Variants in RBMS3 observed in about 807,000 individuals in gnomAD.
RBMS3 encodes the protein RNA binding motif single stranded interacting protein 3, also known as RNA-binding motif, single-stranded-interacting protein 3.
A neutral mutation model predicts 66.8 loss-of-function variants in RBMS3; 27 were observed. The ratio of observed to expected loss-of-function variants is 0.40; its 90% confidence interval spans 0.30 to 0.56. RBMS3 has a LOEUF of 0.56. Ranked by LOEUF, RBMS3 falls within the 20% of genes least tolerant of loss-of-function variation. RBMS3 has a pLI of 0.40. For missense variants in RBMS3, 513 were observed against 549.5 expected (o/e 0.93, Z 0.66); for synonymous variants, 188 against 183.0 (o/e 1.03, Z -0.22).
At chr3:29,496,398 A>G (rs1238949394) in intron 3 of RBMS3, among the ~76,000 whole-genome samples, 1 of 152,088 alleles carries the variant, frequency 6.6e-6, no homozygotes, top group East Asian at 1.9e-4. Context: ...TGATTTTGAT[A>G]TTGGCTTTTG....
intron 8 of RBMS3, among the ~76,000 whole-genome samples, chr3:29,896,734 T>A (rs2060131422): frequency 6.6e-6 from 1 of 151,564 alleles, no homozygotes; most frequent in Non-Finnish European, 1.5e-5. Context: ...CTTGTAGCAT[T>A]CTACAGTTGT....
chr3:29,282,358 T>C (rs892154214), intron 1 of RBMS3, among the ~76,000 whole-genome samples: 2 of 152,210 alleles, frequency 1.3e-5, no homozygotes, highest in Non-Finnish European at 2.9e-5. Flanking sequence ...TTACAATAGA[T>C]GTTCTTTACT....
intron 1 of RBMS3, among the ~76,000 whole-genome samples, chr3:29,369,534 T>C (rs78676979): frequency 9.9e-6 from 1 of 100,780 alleles, no homozygotes; most frequent in African/African-American, 4.0e-5. Context: ...ACACACACAC[T>C]TTGAGTGAGG....
At chr3:29,779,914 G>A (rs1290183834) in intron 6 of RBMS3, among the ~76,000 whole-genome samples, 1 of 149,812 alleles carries the variant, frequency 6.7e-6, no homozygotes, top group African/African-American at 2.4e-5. Flanking sequence ...GGTAGACATA[G>A]AAATACATTT....
intron 1 of RBMS3, among the ~76,000 whole-genome samples, chr3:29,394,440 G>A (rs1338459884): frequency 6.6e-6 from 1 of 152,218 alleles, no homozygotes; most frequent in East Asian, 1.9e-4. Context: ...GGGTCCTGAG[G>A]AGACATACAT....
At chr3:29,559,951 G>T (rs2046492107) in intron 3 of RBMS3, among the ~76,000 whole-genome samples, 1 of 152,112 alleles carries the variant, frequency 6.6e-6, no homozygotes. Context: ...ACATACAAAA[G>T]CATCTTATTT....
At chr3:29,663,073 TTGG>T (rs1233375395) in intron 4 of RBMS3, among the ~76,000 whole-genome samples, 10 of 152,188 alleles carry the variant, frequency 6.6e-5, no homozygotes, top group African/African-American at 1.4e-4. Context: ...GTTTGTTTGG[TTGG>T]TTGGTTGGTT....
intron 4 of RBMS3, among the ~76,000 whole-genome samples, chr3:29,723,890 T>G (rs565015259): frequency 3.3e-5 from 5 of 152,282 alleles, no homozygotes; most frequent in Non-Finnish European, 7.4e-5. Flanking sequence ...CGGTATCTTC[T>G]GAATAATAGC....
At chr3:29,597,170 T>A (rs2047972791) in intron 4 of RBMS3, among the ~76,000 whole-genome samples, 1 of 152,190 alleles carries the variant, frequency 6.6e-6, no homozygotes, top group Non-Finnish European at 1.5e-5. Flanking sequence ...TATGCACACA[T>A]ATACATTCCC....
chr3:29,403,419 C>G (rs1030315011), intron 1 of RBMS3, among the ~76,000 whole-genome samples: 1 of 152,036 alleles, frequency 6.6e-6, no homozygotes, highest in African/African-American at 2.4e-5. Flanking sequence ...AGTGTACAAA[C>G]CAGATTTGGC....
chr3:29,406,829 C>T (rs1021710831), intron 1 of RBMS3, among the ~76,000 whole-genome samples: 1 of 152,000 alleles, frequency 6.6e-6, no homozygotes, highest in East Asian at 1.9e-4. Context: ...TATTTTACTC[C>T]TTTGAAATTG....
At chr3:29,335,455 C>G (rs932021770) in intron 1 of RBMS3, among the ~76,000 whole-genome samples, 2 of 152,122 alleles carry the variant, frequency 1.3e-5, no homozygotes, top group African/African-American at 4.8e-5. Context: ...GGCAGATATG[C>G]TCAAAGAACT....
At position 29,701,585 on chromosome 3, in the gene RBMS3, G is replaced by A. The variant is rs138928090; in HGVS notation, c.400-38135G>A. ...TGTAAGGAGGTGTGGAGGGAGAGGC[G>A]CAGGTGGGAACTGGGGCTGCGCGCG... On this transcript the variant is annotated intron_variant, in intron 4 of 14. Transcript: ENST00000383767. 2.2e-4 allele frequency among the ~76,000 whole-genome samples: 33 copies of A among 152,196 alleles called. No homozygotes were observed. The East Asian group carries it at 5.1e-3, about 23-fold the overall frequency.
chr3:29,623,009 A>G (rs1422461010), intron 4 of RBMS3, among the ~76,000 whole-genome samples: 1 of 149,716 alleles, frequency 6.7e-6, no homozygotes, highest in South Asian at 2.2e-4. Context: ...CCCAGCTACT[A>G]GGGAGGCTGA....
intron 2 of RBMS3, among the ~76,000 whole-genome samples, chr3:29,441,478 C>T (rs904647525): frequency 6.6e-6 from 1 of 152,054 alleles, no homozygotes; most frequent in African/African-American, 2.4e-5. Context: ...GGGAATAATA[C>T]TTTCTTTAAA....
chr3:29,957,579 G>A (rs1696125967), intron 12 of RBMS3, among the ~76,000 whole-genome samples: 1 of 152,070 alleles, frequency 6.6e-6, no homozygotes, highest in African/African-American at 2.4e-5. Context: ...TAGAATAATT[G>A]GAAAATGATG....
At chr3:29,507,690 T>C (rs1268586654) in intron 3 of RBMS3, among the ~76,000 whole-genome samples, 1 of 152,106 alleles carries the variant, frequency 6.6e-6, no homozygotes, top group Non-Finnish European at 1.5e-5. Flanking sequence ...GCACATAATA[T>C]GAGCTAATAA....
intron 14 of RBMS3, among the ~76,000 whole-genome samples, chr3:29,994,901 C>T (rs1423333744): frequency 3.3e-5 from 5 of 152,214 alleles, no homozygotes; most frequent in Admixed American, 2.6e-4. Flanking sequence ...TCCTCACCAG[C>T]AACGGAACAA....
chr3:29,428,578 A>G (rs2125713470), intron 1 of RBMS3, among the ~76,000 whole-genome samples: 1 of 146,580 alleles, frequency 6.8e-6, no homozygotes, highest in South Asian at 2.1e-4. Context: ...TCTGTTAAAA[A>G]AAAAAAAAAA....
Sources: gnomAD v4.1 joint callset for allele counts (sites outside exome capture counted in the v4.1 genomes callset) on GRCh38, gnomAD v4.1.1 for gene constraint, MANE v1.5 for transcripts, NCBI Gene and HGNC (gene_info 2026-07-23, HGNC 2026-07-21) for gene names.